The following TIMM9 variants were observed in gnomAD, a reference collection of about 807,000 sequenced individuals.
TIMM9 encodes translocase of inner mitochondrial membrane 9.
In TIMM9, 10 loss-of-function variants were observed where a neutral mutation model predicts 13.4. The ratio of observed to expected loss-of-function variants is 0.75; its 90% CI spans 0.46 to 1.26. The LOEUF (loss-of-function observed/expected upper bound fraction) is 1.26. Ranked by LOEUF, TIMM9 falls within the 50% of genes most tolerant of loss-of-function variation. The pLI, the probability that TIMM9 is intolerant of heterozygous loss-of-function variation, is 0.00. For missense variants in TIMM9, 87 were observed against 100.8 expected, an observed-to-expected ratio of 0.86 and a Z score of 0.58; for synonymous variants, 32 against 32.1, an observed-to-expected ratio of 1.00 and a Z score of 0.01.
intron 3 of TIMM9, among the ~76,000 whole-genome samples, chr14:58,416,388 A>C (rs748430134): frequency 6.6e-6 from 1 of 152,230 alleles, no homozygotes; most frequent in Non-Finnish European, 1.5e-5. Context: ...AGTGGCACAA[A>C]ATGTTTCAAG....
intron 3 of TIMM9, among the ~76,000 whole-genome samples, chr14:58,413,629 T>C (rs1249354543): frequency 6.6e-6 from 1 of 152,232 alleles, no homozygotes; most frequent in Non-Finnish European, 1.5e-5. Flanking sequence ...GTTCAGTTAA[T>C]CTAGATATAA....
Position 58,409,058 on chromosome 14 carries a change from T to A in TIMM9, c.246A>T (p.Ala82=), listed in dbSNP as rs757164914. Residue 82 remains alanine (A), a synonymous_variant, in exon 6 of 6, where the codon GCA becomes GCT. Coordinates refer to ENST00000395159, the MANE Select transcript of TIMM9 (RefSeq NM_012460.4). The part of the protein sequence containing the change: ...IQQNEALAAK[A]GLLGQPR ...TCTATCGTGGTTGGCCAAGGAGTCC[T>A]GCTTTGGCTGCCAGGGCTTCATTCT... is the stretch of plus-strand genomic sequence containing the variant. 1 of 1,613,816 alleles carries A rather than the reference T, an allele frequency of 6.2e-7. No individual in the cohort carries two copies. The highest frequency in any genetic ancestry group is 1.3e-5 in the African/African-American group (1 of 74,910).
chr14:58,427,467 A>G lies in TIMM9; in HGVS notation c.-379T>C, dbSNP rs962942448. 1.1e-5 allele frequency: 9 copies of G among 845,756 alleles called. 1 individual carries two copies. Among genetic ancestry groups the G allele is most frequent in the Non-Finnish European group, 1.6e-5 (9 of 547,534 alleles). The allele number at this position is 845,756 out of a possible 1,614,324, so 52.4% of individuals were successfully genotyped here. On this transcript the variant is annotated 5_prime_UTR_variant, in exon 1 of 6. Transcript: ENST00000395159. ...CCTGGTAAACACAAGTAGTATTACA[A>G]GTCGGGAGCTCTTCAAGTCTTGGAT...
At chr14:58,421,714 A>G (rs933474435) in intron 3 of TIMM9, among the ~76,000 whole-genome samples, 2 of 152,264 alleles carry the variant, frequency 1.3e-5, no homozygotes, top group Admixed American at 6.5e-5. Context: ...AAACAGTCTG[A>G]AAAGATCTAA....
chr14:58,418,279 C>T (rs1250157461), intron 3 of TIMM9, among the ~76,000 whole-genome samples: 1 of 152,086 alleles, frequency 6.6e-6, no homozygotes, highest in Non-Finnish European at 1.5e-5. Context: ...AATACCCATT[C>T]ATAGCAAAAT....
intron 4 of TIMM9, 69 bp from the exon 5 acceptor site, chr14:58,411,007 C>T (rs1412359112): frequency 9.2e-7 from 1 of 1,084,950 alleles, no homozygotes; most frequent in East Asian, 2.4e-5. Flanking sequence ...ACTTAAATTA[C>T]TGGTATTTTA....
At chr14:58,426,074 G>T (rs867801279) in intron 2 of TIMM9, among the ~76,000 whole-genome samples, 2 of 151,688 alleles carry the variant, frequency 1.3e-5, no homozygotes, top group African/African-American at 2.4e-5. Flanking sequence ...CCAAGATCGC[G>T]CCACTGCACT....
At chr14:58,424,483 T>C (rs551951071) in intron 2 of TIMM9, among the ~76,000 whole-genome samples, 3 of 152,328 alleles carry the variant, frequency 2.0e-5, no homozygotes, top group South Asian at 2.1e-4. Context: ...ATTGCACCTA[T>C]AAAATGACCT....
At chr14:58,410,791 T>G (rs374003387) in intron 5 of TIMM9, 52 bp downstream of exon 5, 94 of 1,259,838 alleles carry the variant, frequency 7.5e-5, no homozygotes, top group Non-Finnish European at 1.0e-4. Flanking sequence ...GGGATCCTAC[T>G]TAGAGTGTTT....
chr14:58,408,877 A>G lies in TIMM9; in HGVS notation c.*157T>C. On this transcript the variant is annotated 3_prime_UTR_variant, in exon 6 of 6. Transcript: ENST00000395159. ...TTGTGATTATTCCTGGTAAATAGCA[A>G]TTTTGTTTCTCCAGCGGTTTCCATT... The G allele has an allele frequency of 9.5e-7, 1 of 1,054,976 alleles. No homozygotes were observed. Among genetic ancestry groups the G allele is most frequent in the Non-Finnish European group, 1.3e-6 (1 of 748,702 alleles). 65.4% of individuals were successfully genotyped at this position (1,054,976 alleles called of 1,614,324 possible). A position where few individuals can be genotyped will look rare whatever the true frequency, so the allele number is the denominator to read the frequency against.
intron 2 of TIMM9, among the ~76,000 whole-genome samples, chr14:58,424,537 T>C (rs2036679443): frequency 6.6e-6 from 1 of 152,246 alleles, no homozygotes; most frequent in Admixed American, 6.5e-5. Flanking sequence ...ATGACACATA[T>C]CATCTATCTA....
Position 58,408,628 on chromosome 14 carries a change from C to A in TIMM9, c.*406G>T. On this transcript the variant is annotated 3_prime_UTR_variant, in exon 6 of 6. Coordinates refer to ENST00000395159, the MANE Select transcript of TIMM9 (RefSeq NM_012460.4). The stretch of plus-strand genomic sequence containing the variant: ...CAGTCCAGTGAGAATACTATGGTAC[C>A]ATACAGTATAAACAACTGCTCAGTG... 1 of 1,559,292 alleles carries A rather than the reference C, an allele frequency of 6.4e-7. No individual in the cohort carries two copies.
chr14:58,416,980 G>A (rs2036429924), intron 3 of TIMM9, among the ~76,000 whole-genome samples: 1 of 152,126 alleles, frequency 6.6e-6, no homozygotes, highest in African/African-American at 2.4e-5. Flanking sequence ...TGTTGTGGGA[G>A]GGACCTGGTG....
At chr14:58,426,179 G>T (rs2036777809) in intron 2 of TIMM9, among the ~76,000 whole-genome samples, 1 of 151,682 alleles carries the variant, frequency 6.6e-6, no homozygotes, top group African/African-American at 2.4e-5. Context: ...TAATTAAAAG[G>T]GTCTTTAACG....
chr14:58,420,896 T>A (rs2036572638), intron 3 of TIMM9, among the ~76,000 whole-genome samples: 1 of 151,084 alleles, frequency 6.6e-6, no homozygotes, highest in Non-Finnish European at 1.5e-5. Flanking sequence ...CAAATGCTAG[T>A]GAGGACATGG....
chr14:58,422,869 G>A (rs1007600322), intron 3 of TIMM9, among the ~76,000 whole-genome samples: 1 of 151,902 alleles, frequency 6.6e-6, no homozygotes, highest in Non-Finnish European at 1.5e-5. Flanking sequence ...GAGTACAGTG[G>A]TGCAATTTCA....
At chr14:58,419,500 CACACAA>C (rs1242054762) in intron 3 of TIMM9, among the ~76,000 whole-genome samples, 28 of 135,698 alleles carry the variant, frequency 2.1e-4, no homozygotes, top group Non-Finnish European at 3.1e-4. Flanking sequence ...CACACACACA[CACACAA>C]ACACATACAC....
Position 58,424,041 on chromosome 14 carries a change from G to A in TIMM9, c.-60C>T, listed in dbSNP as rs1377129402. ...ATGCATGAGTTTCCTTTCTGTTCTG[G>A]AAAAGTAGTTGTCCAACCTTTGCTT... On this transcript the variant is annotated 5_prime_UTR_variant, in exon 3 of 6. Coordinates refer to ENST00000395159, the MANE Select transcript of TIMM9 (RefSeq NM_012460.4). 1.3e-5 allele frequency: 2 copies of A among 152,126 alleles called. No individual in the cohort carries two copies. Among genetic ancestry groups the A allele is most frequent in the Non-Finnish European group, 2.9e-5 (2 of 68,002 alleles). The allele number at this position is 152,126 out of a possible 1,614,324, so 9.4% of individuals were successfully genotyped here. A position where few individuals can be genotyped will look rare whatever the true frequency, so the allele number is the denominator to read the frequency against.
chr14:58,427,344 T>G lies in TIMM9; in HGVS notation c.-304+48A>C, dbSNP rs895299706. Reference sequence around the variant, plus strand: ...AACGCTTTCTATTCCCGACTTCCTCTCCAATAATGACCCGAATCTGTCGAA... The same window carrying G: ...AACGCTTTCTATTCCCGACTTCCTCGCCAATAATGACCCGAATCTGTCGAA... On this transcript the variant is annotated intron_variant, in intron 1 of 5. Transcript: ENST00000395159. 7.9e-5 allele frequency: 32 copies of G among 402,946 alleles called. 1 individual carries two copies. Among genetic ancestry groups the G allele is most frequent in the Non-Finnish European group, 1.2e-4 (27 of 219,572 alleles). 25.0% of individuals were successfully genotyped at this position (402,946 alleles called of 1,614,324 possible). A position where few individuals can be genotyped will look rare whatever the true frequency, so the allele number is the denominator to read the frequency against.
Sources: allele counts gnomAD v4.1 joint callset (sites outside exome capture counted in the v4.1 genomes callset), GRCh38; gene constraint gnomAD v4.1.1; transcripts MANE v1.5; gene names NCBI Gene and HGNC (gene_info 2026-07-23, HGNC 2026-07-21).